Variants in KCTD8 observed in about 807,000 individuals in gnomAD.
The protein encoded by KCTD8 is potassium channel tetramerization domain containing 8.
KCTD8 carries 27 observed loss-of-function variants against 31.5 expected under a neutral mutation model. The ratio of observed to expected loss-of-function variants is 0.86; its 90% CI spans 0.63 to 1.18. The LOEUF is 1.18. Ranked by LOEUF, KCTD8 falls within the 50% of genes most tolerant of loss-of-function variation. The probability of loss-of-function intolerance (pLI) is 0.00; values close to 1 mark genes in which losing one functional copy is unlikely to be tolerated. For missense variants in KCTD8, 658 were observed against 647.7 expected (o/e 1.02, Z -0.17); for synonymous variants, 290 against 280.0 (o/e 1.04, Z -0.36).
intron 1 of KCTD8, among the ~76,000 whole-genome samples, chr4:44,253,819 G>C (rs1373031051): frequency 2.0e-5 from 3 of 151,816 alleles, no homozygotes; most frequent in Admixed American, 1.3e-4. Context: ...TTGTCAGTAA[G>C]TTTTAGAATT....
chr4:44,211,998 A>C (rs1714496656), intron 1 of KCTD8, among the ~76,000 whole-genome samples: 1 of 152,110 alleles, frequency 6.6e-6, no homozygotes, highest in South Asian at 2.1e-4. Context: ...AAAATTTATC[A>C]TTCCATTTAA....
At chr4:44,237,885 A>G (rs930071511) in intron 1 of KCTD8, among the ~76,000 whole-genome samples, 12 of 152,272 alleles carry the variant, frequency 7.9e-5, no homozygotes, top group African/African-American at 2.9e-4. Flanking sequence ...CCAGTGACAC[A>G]GCTGAGGTTC....
chr4:44,261,781 GAAT>G (rs1452656768), intron 1 of KCTD8, among the ~76,000 whole-genome samples: 2 of 151,894 alleles, frequency 1.3e-5, no homozygotes, highest in Non-Finnish European at 2.9e-5. Flanking sequence ...TTTTATGGCT[GAAT>G]AATATTTCAT....
chr4:44,372,154 C>T lies in KCTD8; in HGVS notation c.961+75409G>A, dbSNP rs17539131. Among the ~76,000 whole-genome samples, 420 of 152,284 alleles carry T rather than the reference C, an allele frequency of 2.8e-3. 1 individual carries two copies. The highest frequency in any genetic ancestry group is 4.4e-3 in the Non-Finnish European group (302 of 68,032). On this transcript the variant is annotated intron_variant, in intron 1 of 1. Transcript: ENST00000360029. Reference sequence around the variant, plus strand: ...TAATAAGCACAGTGTGTCACTCACTCTATCAGACTGATGTAATACAGTCCT... The same window carrying T: ...TAATAAGCACAGTGTGTCACTCACTTTATCAGACTGATGTAATACAGTCCT...
chr4:44,175,082 T>C lies in KCTD8; in HGVS notation c.1130A>G (p.Gln377Arg). Residue 377 changes from glutamine to arginine, a missense_variant, in exon 2 of 2, where the codon CAG (glutamine) becomes CGG (arginine). By Grantham distance (43) the Gln-to-Arg change is conservative. Transcript: ENST00000360029. Reference sequence around the variant, plus strand: ...GTTAGGTTGGTGAGCTGTTGCCTGCTGGGCACTGGATGGGTTGTCCTGGGG... The same window carrying C: ...GTTAGGTTGGTGAGCTGTTGCCTGCCGGGCACTGGATGGGTTGTCCTGGGG... ...STPQDNPSSA[Q>R]QATAHQPNTL... is the part of the protein sequence containing the mutation. The C allele has an allele frequency of 6.2e-7, 1 of 1,614,126 alleles. No individual in the cohort carries two copies. The highest frequency in any genetic ancestry group is 8.5e-7 in the Non-Finnish European group (1 of 1,179,998).
At chr4:44,358,661 C>T (rs956859839) in intron 1 of KCTD8, among the ~76,000 whole-genome samples, 3 of 151,998 alleles carry the variant, frequency 2.0e-5, no homozygotes, top group South Asian at 2.1e-4. Flanking sequence ...CTCCGCCTCC[C>T]GGGTTCATGC....
intron 1 of KCTD8, among the ~76,000 whole-genome samples, chr4:44,329,391 G>A (rs1245424589): frequency 6.6e-6 from 1 of 151,638 alleles, no homozygotes; most frequent in Non-Finnish European, 1.5e-5. Flanking sequence ...TTTGAGGAAA[G>A]GAAAAATATT....
At chr4:44,405,887 A>G (rs1228744269) in intron 1 of KCTD8, among the ~76,000 whole-genome samples, 1 of 150,518 alleles carries the variant, frequency 6.6e-6, no homozygotes, top group Non-Finnish European at 1.5e-5. Context: ...TCCATGAGCC[A>G]TTGTTCTAAA....
chr4:44,311,555 T>C (rs971613337), intron 1 of KCTD8, among the ~76,000 whole-genome samples: 1 of 152,068 alleles, frequency 6.6e-6, no homozygotes, highest in African/African-American at 2.4e-5. Context: ...AATGTAAGAA[T>C]ACTCACCCTC....
chr4:44,396,943 A>C (rs1354788133), intron 1 of KCTD8, among the ~76,000 whole-genome samples: 5 of 152,150 alleles, frequency 3.3e-5, no homozygotes, highest in Admixed American at 3.3e-4. Context: ...CCAGCAGTCA[A>C]CTTCCAAAAA....
intron 1 of KCTD8, among the ~76,000 whole-genome samples, chr4:44,225,993 T>G (rs559607279): frequency 6.6e-6 from 1 of 151,936 alleles, no homozygotes; most frequent in African/African-American, 2.4e-5. Flanking sequence ...GCTAATTTTT[T>G]GTTTTTTTGT....
chr4:44,254,766 C>T (rs1715945151), intron 1 of KCTD8, among the ~76,000 whole-genome samples: 1 of 151,826 alleles, frequency 6.6e-6, no homozygotes, highest in Admixed American at 6.6e-5. Flanking sequence ...ACCTATTTTC[C>T]AATGTCTTCC....
intron 1 of KCTD8, among the ~76,000 whole-genome samples, chr4:44,225,675 T>G (rs1030026370): frequency 1.3e-5 from 2 of 152,146 alleles, no homozygotes; most frequent in Non-Finnish European, 2.9e-5. Context: ...ATTTTGAATT[T>G]TTTGTATAGG....
chr4:44,273,857 T>C (rs1031729311), intron 1 of KCTD8, among the ~76,000 whole-genome samples: 1 of 151,884 alleles, frequency 6.6e-6, no homozygotes, highest in Non-Finnish European at 1.5e-5. Flanking sequence ...TATGAGCAGA[T>C]GTTAAGTTGG....
chr4:44,439,980 G>A (rs1721778580), intron 1 of KCTD8, among the ~76,000 whole-genome samples: 1 of 151,608 alleles, frequency 6.6e-6, no homozygotes, highest in Non-Finnish European at 1.5e-5. Context: ...TTCCCAGGCT[G>A]GAGTGCAACG....
intron 1 of KCTD8, among the ~76,000 whole-genome samples, chr4:44,413,069 T>C (rs1235591757): frequency 6.6e-6 from 1 of 152,214 alleles, no homozygotes; most frequent in African/African-American, 2.4e-5. Context: ...TAAAAGATGC[T>C]TATTCTGCCT....
intron 1 of KCTD8, among the ~76,000 whole-genome samples, chr4:44,351,346 C>A (rs1446591370): frequency 6.6e-6 from 1 of 152,030 alleles, no homozygotes; most frequent in Non-Finnish European, 1.5e-5. Flanking sequence ...CCACAGGACT[C>A]AAATTAGTTC....
At chr4:44,446,526 C>T (rs1434135286) in intron 1 of KCTD8, among the ~76,000 whole-genome samples, 1 of 152,080 alleles carries the variant, frequency 6.6e-6, no homozygotes, top group Non-Finnish European at 1.5e-5. Flanking sequence ...CCACCACAGC[C>T]CCACCCCACT....
At chr4:44,208,487 T>C (rs1208516573) in intron 1 of KCTD8, among the ~76,000 whole-genome samples, 2 of 152,154 alleles carry the variant, frequency 1.3e-5, no homozygotes, top group Non-Finnish European at 2.9e-5. Context: ...ATTTCCTAAT[T>C]AGGATCATCA....
Sources: gnomAD v4.1 joint callset for allele counts (sites outside exome capture counted in the v4.1 genomes callset) on GRCh38, gnomAD v4.1.1 for gene constraint, MANE v1.5 for transcripts, NCBI Gene and HGNC (gene_info 2026-07-23, HGNC 2026-07-21) for gene names.